Variants in CATSPERB observed in about 807,000 individuals in gnomAD.
The protein encoded by CATSPERB is catsper channel auxiliary subunit beta, also known as cation channel sperm-associated auxiliary subunit beta.
CATSPERB carries 93 observed loss-of-function variants against 128.3 expected under a neutral mutation model. That is an observed-to-expected ratio of 0.72 (90% confidence interval 0.61 to 0.86). The LOEUF (loss-of-function observed/expected upper bound fraction) is 0.86. CATSPERB is among the 40% of genes least tolerant of loss of function. The pLI is 0.00. For synonymous variants in CATSPERB, 381 were observed against 448.8 expected (o/e 0.85, Z 1.91); for missense variants, 1,153 against 1,329.5 (o/e 0.87, Z 2.06).
chr14:91,589,440 T>C (rs922032282), intron 24 of CATSPERB, 94 bp downstream of exon 24: 2 of 1,262,118 alleles, frequency 1.6e-6, no homozygotes, highest in South Asian at 1.9e-5. Context: ...TGGCTCTCTT[T>C]TGTGTGAACA....
chr14:91,636,349 C>A (rs1595157645), intron 17 of CATSPERB, 76 bp downstream of exon 17: 2 of 1,378,522 alleles, frequency 1.5e-6, no homozygotes, highest in Non-Finnish European at 2.0e-6. Context: ...GATGACAGAG[C>A]AAGACCCTAT....
Position 91,623,674 on chromosome 14 carries a change from C to G in CATSPERB, c.1930+1146G>C, listed in dbSNP as rs1198519280. Among the ~76,000 whole-genome samples the G allele has an allele frequency of 4.5e-4, 68 of 152,168 alleles. 2 individuals are homozygous for G. Among genetic ancestry groups the G allele is most frequent in the Admixed American group, 4.5e-3 (68 of 15,262 alleles). ...TCCTAGCTGACTTCTCTGCTTTCCT[C>G]CTTGCTTTCTCTCCATCACCTGCCC... On this transcript the variant is annotated intron_variant, in intron 18 of 26. Coordinates refer to ENST00000256343, the MANE Select transcript of CATSPERB (RefSeq NM_024764.4).
chr14:91,610,173 C>T (rs1893798243), intron 21 of CATSPERB, among the ~76,000 whole-genome samples: 1 of 152,082 alleles, frequency 6.6e-6, no homozygotes, highest in African/African-American at 2.4e-5. Context: ...CTAATTGTAT[C>T]AGCTTAGGAC....
chr14:91,637,519 T>C (rs1218514441), intron 16 of CATSPERB, among the ~76,000 whole-genome samples: 3 of 152,166 alleles, frequency 2.0e-5, no homozygotes, highest in Non-Finnish European at 4.4e-5. Context: ...GCAAGTCCAA[T>C]GAAAGGCAGC....
Position 91,729,408 on chromosome 14 carries a change from A to G in CATSPERB, c.72T>C (p.Tyr24=), listed in dbSNP as rs1277722681. Residue 24 remains tyrosine, a synonymous_variant, in exon 2 of 27, where the codon TAT becomes TAC. Coordinates refer to ENST00000256343, the MANE Select transcript of CATSPERB (RefSeq NM_024764.4). ...NIFEFSSGIV[Y]NKDDTEKRFA... Reference sequence around the variant, plus strand: ...AGATGGTCTGAAACTTACCTTTATTATATACTATTCCTGATGAAAATTCAA... The same window carrying G: ...AGATGGTCTGAAACTTACCTTTATTGTATACTATTCCTGATGAAAATTCAA... 7.8e-6 allele frequency: 11 copies of G among 1,417,088 alleles called. No individual in the cohort carries two copies. In the African/African-American group the frequency reaches 1.4e-4, roughly 18 times the overall value. The allele number at this position is 1,417,088 out of a possible 1,614,324, so 87.8% of individuals were successfully genotyped here. A position where few individuals can be genotyped will look rare whatever the true frequency, so the allele number is the denominator to read the frequency against.
At chr14:91,691,630 A>G in intron 9 of CATSPERB, 75 bp from the exon 10 acceptor site, 1 of 1,104,858 alleles carries the variant, frequency 9.1e-7, no homozygotes, top group Non-Finnish European at 1.3e-6. Context: ...TTTAAATTAT[A>G]CTAAAGGAAA....
chr14:91,627,615 T>A (rs1212503576), intron 17 of CATSPERB, among the ~76,000 whole-genome samples: 1 of 152,164 alleles, frequency 6.6e-6, no homozygotes, highest in Non-Finnish European at 1.5e-5. Context: ...TGGAGGGAAC[T>A]AATGGAAGAT....
At chr14:91,701,540 A>C (rs939592044) in intron 7 of CATSPERB, among the ~76,000 whole-genome samples, 1 of 152,218 alleles carries the variant, frequency 6.6e-6, no homozygotes, top group African/African-American at 2.4e-5. Context: ...GAGGACATTC[A>C]GAACTGTATG....
At chr14:91,723,302 T>C (rs1566741558) in intron 3 of CATSPERB, 113 bp from the exon 4 acceptor site, 1 of 680,980 alleles carries the variant, frequency 1.5e-6, no homozygotes, top group Non-Finnish European at 2.1e-6. Flanking sequence ...AAAAAATATA[T>C]ATATTTATAC....
At chr14:91,718,217 T>C (rs1895973851) in intron 5 of CATSPERB, among the ~76,000 whole-genome samples, 4 of 152,216 alleles carry the variant, frequency 2.6e-5, no homozygotes, top group Admixed American at 2.0e-4. Flanking sequence ...GATAAATTCC[T>C]TTAAAAATCA....
chr14:91,665,256 G>C (rs1198074013), intron 14 of CATSPERB, among the ~76,000 whole-genome samples: 1 of 152,154 alleles, frequency 6.6e-6, no homozygotes, highest in African/African-American at 2.4e-5. Context: ...AAACCATTAA[G>C]TTCAAGTATA....
chr14:91,670,068 A>G (rs1163731919), intron 13 of CATSPERB, 96 bp from the exon 14 acceptor site: 50 of 1,044,950 alleles, frequency 4.8e-5, no homozygotes, highest in Non-Finnish European at 6.7e-5. Flanking sequence ...GAGAGATACA[A>G]TCACTAACAC....
At position 91,725,176 on chromosome 14, in the gene CATSPERB, A is replaced by G. The variant is rs774142252; in HGVS notation, c.80-8T>C. On this transcript the variant is annotated splice_polypyrimidine_tract_variant and splice_region_variant and intron_variant, in intron 2 of 26. Coordinates refer to ENST00000256343, the MANE Select transcript of CATSPERB (RefSeq NM_024764.4). ...AGCGTTTCTCTGTATCATCTAAATAATAAAAAAAATACATATATTAGATCA... is the reference window on the plus strand; with the variant it reads ...AGCGTTTCTCTGTATCATCTAAATAGTAAAAAAAATACATATATTAGATCA... 3.6e-6 allele frequency: 5 copies of G among 1,403,896 alleles called. No individual in the cohort carries two copies. Among genetic ancestry groups the G allele is most frequent in the Middle Eastern group, 2.1e-4 (1 of 4,654 alleles). 87.0% of individuals were successfully genotyped at this position (1,403,896 alleles called of 1,614,324 possible). A position where few individuals can be genotyped will look rare whatever the true frequency, so the allele number is the denominator to read the frequency against.
chr14:91,652,308 A>G (rs1432836557), intron 15 of CATSPERB, among the ~76,000 whole-genome samples: 1 of 152,174 alleles, frequency 6.6e-6, no homozygotes, highest in Non-Finnish European at 1.5e-5. Context: ...AAGGATATAA[A>G]AATGAACACA....
Position 91,727,491 on chromosome 14 carries a change from A to G in CATSPERB, c.79+1910T>C, listed in dbSNP as rs538558649. Among the ~76,000 whole-genome samples, 87 of 152,346 alleles carry G rather than the reference A, an allele frequency of 5.7e-4. 1 individual carries two copies. The highest frequency in any genetic ancestry group is 2.7e-3 in the South Asian group (13 of 4,828). On this transcript the variant is annotated intron_variant, in intron 2 of 26. Transcript: ENST00000256343. ...TCAATGCTATTCTTGAAATTCTATA[A>G]GTAAACATATCTTTACAAATATCAC...
intron 7 of CATSPERB, among the ~76,000 whole-genome samples, chr14:91,694,623 A>C (rs1028613793): frequency 2.6e-5 from 4 of 152,152 alleles, no homozygotes; most frequent in African/African-American, 9.7e-5. Context: ...AAAACTCCAA[A>C]GAAGAAAATT....
chr14:91,612,462 C>T (rs1348725055), intron 20 of CATSPERB, among the ~76,000 whole-genome samples: 2 of 152,014 alleles, frequency 1.3e-5, no homozygotes, highest in African/African-American at 2.4e-5. Flanking sequence ...GATTGGTGTA[C>T]ATTTTGAAAA....
chr14:91,691,072 T>A (rs894625313), intron 10 of CATSPERB, among the ~76,000 whole-genome samples: 1 of 152,210 alleles, frequency 6.6e-6, no homozygotes, highest in Non-Finnish European at 1.5e-5. Flanking sequence ...CTAGATTATA[T>A]GACATTTTTT....
At chr14:91,692,874 A>G (rs1742695259) in intron 9 of CATSPERB, among the ~76,000 whole-genome samples, 1 of 152,186 alleles carries the variant, frequency 6.6e-6, no homozygotes, top group Non-Finnish European at 1.5e-5. Flanking sequence ...AGGTAGACAG[A>G]TCTTTTCTGC....
Sources: allele counts gnomAD v4.1 joint callset (sites outside exome capture counted in the v4.1 genomes callset), GRCh38; gene constraint gnomAD v4.1.1; transcripts MANE v1.5; gene names NCBI Gene and HGNC (gene_info 2026-07-23, HGNC 2026-07-21).